Variants in ADAM12 observed in about 807,000 individuals in gnomAD.
ADAM12 encodes the protein ADAM metallopeptidase domain 12.
A neutral mutation model predicts 106.4 loss-of-function variants in ADAM12; 70 were observed. That is an observed-to-expected ratio of 0.66 (90% CI 0.54 to 0.80). ADAM12 has a LOEUF of 0.80. Ranked by LOEUF, ADAM12 falls within the 30% of genes least tolerant of loss-of-function variation. ADAM12 has a pLI of 0.00. For synonymous variants in ADAM12, 420 were observed against 433.5 expected (o/e 0.97, Z 0.39); for missense variants, 1,010 against 1,171.9 (o/e 0.86, Z 2.02).
intron 2 of ADAM12, among the ~76,000 whole-genome samples, chr10:126,291,255 C>A (rs1326093271): frequency 6.6e-6 from 1 of 152,102 alleles, no homozygotes; most frequent in African/African-American, 2.4e-5. Context: ...AGAAAAATAC[C>A]CCATTCATAT....
intron 2 of ADAM12, among the ~76,000 whole-genome samples, chr10:126,315,926 A>T (rs1853848048): frequency 6.6e-6 from 1 of 152,226 alleles, no homozygotes; most frequent in Non-Finnish European, 1.5e-5. Context: ...ATTCCCACGA[A>T]GTCCACTTAT....
rs188908048 is a variant in ADAM12 at position 126,279,660 on chromosome 10, G to A, written c.187-672C>T. ...GAGAATCGCTTGAACCCGGGAGGCC[G>A]AGGTTGTAGTGAGCCAAGATTGCAC... On this transcript the variant is annotated intron_variant, in intron 2 of 22. Coordinates refer to ENST00000448723, the MANE Select transcript of ADAM12 (RefSeq NM_001288973.2). 1.2e-4 allele frequency among the ~76,000 whole-genome samples: 18 copies of A among 152,132 alleles called. No individual in the cohort carries two copies. The East Asian group carries it at 1.9e-3, about 16-fold the overall frequency.
chr10:126,081,092 G>A (rs1955204543), intron 11 of ADAM12, among the ~76,000 whole-genome samples: 1 of 122,566 alleles, frequency 8.2e-6, no homozygotes, highest in African/African-American at 3.5e-5. Flanking sequence ...AATCAGGCTG[G>A]ATTCAAGGGG....
In ADAM12 at chr10:126,342,637, A is replaced by C. The variant is rs146373656; in HGVS notation, c.89-12128T>G. Among the ~76,000 whole-genome samples the C allele has an allele frequency of 4.1e-4, 62 of 152,300 alleles. No homozygotes were observed. The East Asian group carries it at 7.3e-3, about 18-fold the overall frequency. On this transcript the variant is annotated intron_variant, in intron 1 of 22. Transcript: ENST00000448723. ...TTTCCTCTCAACAATACCCATCTTG[A>C]TTCTGATCTATTCCCACAGACAAGA...
At chr10:126,235,164 G>A (rs923235479) in intron 3 of ADAM12, among the ~76,000 whole-genome samples, 1 of 152,220 alleles carries the variant, frequency 6.6e-6, no homozygotes, top group Non-Finnish European at 1.5e-5. Context: ...CACCCTGGAA[G>A]CCCAGGCACC....
intron 3 of ADAM12, among the ~76,000 whole-genome samples, chr10:126,263,962 T>A (rs971241971): frequency 2.0e-5 from 3 of 152,220 alleles, no homozygotes; most frequent in African/African-American, 7.2e-5. Context: ...AGATAATGAA[T>A]TTGCTCCAAA....
At chr10:126,180,994 C>A (rs1957302158) in intron 3 of ADAM12, among the ~76,000 whole-genome samples, 1 of 151,692 alleles carries the variant, frequency 6.6e-6, no homozygotes, top group Admixed American at 6.6e-5. Flanking sequence ...ATTTCATGGA[C>A]AATGTTATAC....
chr10:126,050,846 C>G (rs369644781), intron 14 of ADAM12, among the ~76,000 whole-genome samples: 5 of 152,322 alleles, frequency 3.3e-5, no homozygotes, highest in African/African-American at 7.2e-5. Context: ...AATGAGCCAG[C>G]CTTGCACCTC....
chr10:126,157,867 G>T (rs115476335), intron 3 of ADAM12, among the ~76,000 whole-genome samples: 2 of 152,230 alleles, frequency 1.3e-5, no homozygotes, highest in African/African-American at 4.8e-5. Flanking sequence ...GAGGAAGAGG[G>T]GAAGGAGAGC....
chr10:126,165,825 G>C (rs989004979), intron 3 of ADAM12, among the ~76,000 whole-genome samples: 3 of 152,118 alleles, frequency 2.0e-5, no homozygotes, highest in African/African-American at 7.2e-5. Flanking sequence ...ATTCAATTTT[G>C]TTACAAAATC....
intron 1 of ADAM12, among the ~76,000 whole-genome samples, chr10:126,332,933 T>G (rs1854573798): frequency 6.6e-6 from 1 of 152,056 alleles, no homozygotes; most frequent in Non-Finnish European, 1.5e-5. Context: ...GACTACAGAG[T>G]GCAATTAACT....
rs904952295 is a variant in ADAM12 at position 126,108,529 on chromosome 10, C to T, written c.741+64G>A. ...ATCTCCTTGCTAAGTCAGATGAGGT[C>T]CCCCAACCTCATTTCCAAACATTTA... is the stretch of plus-strand genomic sequence containing the variant. On this transcript the variant is annotated intron_variant, in intron 8 of 22. Transcript: ENST00000448723. 4 of 1,433,786 alleles carry T rather than the reference C, an allele frequency of 2.8e-6. No individual in the cohort carries two copies. The South Asian group carries it at 3.4e-5, about 12-fold the overall frequency. The allele number at this position is 1,433,786 out of a possible 1,614,324, so 88.8% of individuals were successfully genotyped here.
At chr10:126,095,261 G>A (rs1156493211) in intron 10 of ADAM12, among the ~76,000 whole-genome samples, 1 of 152,028 alleles carries the variant, frequency 6.6e-6, no homozygotes, top group Non-Finnish European at 1.5e-5. Flanking sequence ...CAGGCCAGGC[G>A]CAGTGGCTCA....
chr10:126,306,629 A>T (rs2366704), intron 2 of ADAM12, among the ~76,000 whole-genome samples: 115,178 of 152,034 alleles, frequency 0.76, 43,757 homozygotes, highest in Admixed American at 0.79. Flanking sequence ...TTTTTAAGAG[A>T]ATTTTCTCCC....
chr10:126,154,421 CA>C (rs1181544615), intron 4 of ADAM12, among the ~76,000 whole-genome samples: 1 of 152,150 alleles, frequency 6.6e-6, no homozygotes, highest in Non-Finnish European at 1.5e-5. Flanking sequence ...AAGTGTCAAA[CA>C]AGTGATAAAG....
Position 126,135,576 on chromosome 10 carries a change from C to T in ADAM12, c.416+8G>A, listed in dbSNP as rs748597768. 6.2e-7 allele frequency: 1 copy of T among 1,613,738 alleles called. No homozygotes were observed. The highest frequency in any genetic ancestry group is 2.2e-5 in the East Asian group (1 of 44,876). On this transcript the variant is annotated splice_region_variant and intron_variant, in intron 5 of 22. Transcript: ENST00000448723. Reference sequence around the variant, plus strand: ...AAGACTAGAGCCGCCATGGTCATGGCCACTTACCTGAGACCAGAACACGTG... The same window carrying T: ...AAGACTAGAGCCGCCATGGTCATGGTCACTTACCTGAGACCAGAACACGTG...
chr10:126,240,812 G>T lies in ADAM12; in HGVS notation c.260+38103C>A, dbSNP rs190593153. ...CGCCGGCCTGGAAGGTCACAGTCAG[G>T]AGACGCCGGGTCCTTCTGAGAACAA... On this transcript the variant is annotated intron_variant, in intron 3 of 22. Coordinates refer to ENST00000448723, the MANE Select transcript of ADAM12 (RefSeq NM_001288973.2). Among the ~76,000 whole-genome samples the T allele has an allele frequency of 3.3e-5, 5 of 152,360 alleles. No homozygotes were observed. In the East Asian group the frequency reaches 9.7e-4, roughly 29 times the overall value.
At chr10:126,305,678 T>C (rs1960813700) in intron 2 of ADAM12, among the ~76,000 whole-genome samples, 1 of 152,136 alleles carries the variant, frequency 6.6e-6, no homozygotes, top group African/African-American at 2.4e-5. Flanking sequence ...CACTGTGATA[T>C]GGTTTTCTCT....
chr10:126,267,324 G>A (rs1217319163), intron 3 of ADAM12, among the ~76,000 whole-genome samples: 1 of 152,192 alleles, frequency 6.6e-6, no homozygotes, highest in African/African-American at 2.4e-5. Flanking sequence ...GGCAGGGGAT[G>A]CTTTCAGGAT....
Sources: allele counts gnomAD v4.1 joint callset (sites outside exome capture counted in the v4.1 genomes callset), GRCh38; gene constraint gnomAD v4.1.1; transcripts MANE v1.5; gene names NCBI Gene and HGNC (gene_info 2026-07-23, HGNC 2026-07-21).